Variants in CNTNAP2 observed in about 807,000 individuals in gnomAD.
The protein encoded by CNTNAP2 is contactin associated protein 2.
Under a neutral mutation model 155.2 loss-of-function variants are expected in CNTNAP2, and 98 were observed. That is an observed-to-expected ratio of 0.63 (90% CI 0.54 to 0.75). The LOEUF (loss-of-function observed/expected upper bound fraction) is 0.75. CNTNAP2 is among the 30% of genes least tolerant of loss of function. The probability of loss-of-function intolerance (pLI) is 0.00; values close to 1 mark genes in which losing one functional copy is unlikely to be tolerated. For synonymous variants in CNTNAP2, 651 were observed against 631.2 expected, an observed-to-expected ratio of 1.03 and a Z score of -0.47; for missense variants, 1,727 against 1,688.1, an observed-to-expected ratio of 1.02 and a Z score of -0.40.
In CNTNAP2 at chr7:148,409,867, C is replaced by A. The variant is rs1281003191; in HGVS notation, c.3796+396C>A. 3.3e-5 allele frequency among the ~76,000 whole-genome samples: 3 copies of A among 91,680 alleles called. 1 individual carries two copies. The highest frequency in any genetic ancestry group is 1.5e-4 in the African/African-American group (3 of 20,490). The allele number at this position is 91,680 out of a possible 152,430, so 60.1% of individuals were successfully genotyped here. A position where few individuals can be genotyped will look rare whatever the true frequency, so the allele number is the denominator to read the frequency against. On this transcript the variant is annotated intron_variant, in intron 23 of 23. Coordinates refer to ENST00000361727, the MANE Select transcript of CNTNAP2 (RefSeq NM_014141.6). ...GAGATCGAGACCATCTTGGCTAACA[C>A]GGTGAAACCCCGTCTCTACTAAAAA... is the stretch of plus-strand genomic sequence containing the variant.
At chr7:147,907,911 AG>A (rs1799992367) in intron 14 of CNTNAP2, among the ~76,000 whole-genome samples, 1 of 151,464 alleles carries the variant, frequency 6.6e-6, no homozygotes, top group African/African-American at 2.4e-5. Flanking sequence ...CTGGGATTAC[AG>A]GCACGCATCA....
At chr7:147,377,977 T>G (rs1328653800) in intron 9 of CNTNAP2, 2 of 465,990 alleles carry the variant, frequency 4.3e-6, no homozygotes, top group Non-Finnish European at 8.9e-6. Flanking sequence ...AGATGTTACG[T>G]ATTTTAATTG....
intron 21 of CNTNAP2, among the ~76,000 whole-genome samples, chr7:148,302,813 C>CTTTTTTTTTTTTT: frequency 1.2e-5 from 1 of 86,916 alleles, no homozygotes. Context: ...CTCGATTATT[C>CTTTTTTTTTTTTT]TTTTTTTTTT....
intron 1 of CNTNAP2, among the ~76,000 whole-genome samples, chr7:146,493,399 T>G (rs982514820): frequency 6.6e-6 from 1 of 152,206 alleles, no homozygotes; most frequent in African/African-American, 2.4e-5. Flanking sequence ...TGTTTGTGTC[T>G]TGAATCACTT....
At chr7:146,869,491 A>G (rs188933077) in intron 3 of CNTNAP2, among the ~76,000 whole-genome samples, 4 of 152,098 alleles carry the variant, frequency 2.6e-5, no homozygotes, top group African/African-American at 9.7e-5. Flanking sequence ...GGAGTTTATT[A>G]AGGATAATTG....
At chr7:146,657,402 G>C (rs1443788005) in intron 1 of CNTNAP2, among the ~76,000 whole-genome samples, 2 of 152,156 alleles carry the variant, frequency 1.3e-5, no homozygotes, top group Admixed American at 1.3e-4. Context: ...CTTTATGAGA[G>C]AAAAGGCCTG....
intron 16 of CNTNAP2, among the ~76,000 whole-genome samples, chr7:148,142,631 T>G (rs930236807): frequency 6.6e-6 from 1 of 152,212 alleles, no homozygotes; most frequent in African/African-American, 2.4e-5. Context: ...TATATAACTT[T>G]CCTTCTCTTT....
intron 21 of CNTNAP2, among the ~76,000 whole-genome samples, chr7:148,286,518 T>G (rs58290298): frequency 0.15 from 22,143 of 152,202 alleles, 2,083 homozygotes; most frequent in African/African-American, 0.26. Context: ...TTTGTGGGCC[T>G]AATTACTATT....
chr7:148,081,017 C>A (rs994274589), intron 15 of CNTNAP2, among the ~76,000 whole-genome samples: 4 of 152,120 alleles, frequency 2.6e-5, no homozygotes, highest in African/African-American at 9.7e-5. Flanking sequence ...GATGGTATAT[C>A]TTTATGTGTT....
At chr7:147,995,568 C>A (rs1801789131) in intron 15 of CNTNAP2, among the ~76,000 whole-genome samples, 1 of 151,292 alleles carries the variant, frequency 6.6e-6, no homozygotes, top group African/African-American at 2.4e-5. Flanking sequence ...TGCTCTGTCA[C>A]CCAGGCTGCA....
chr7:146,759,238 G>A (rs976011978), intron 1 of CNTNAP2, among the ~76,000 whole-genome samples: 1 of 152,016 alleles, frequency 6.6e-6, no homozygotes, highest in African/African-American at 2.4e-5. Flanking sequence ...ACCCCCAGAT[G>A]CCCAGAGCAT....
chr7:146,456,886 T>G (rs1374724520), intron 1 of CNTNAP2, among the ~76,000 whole-genome samples: 1 of 152,200 alleles, frequency 6.6e-6, no homozygotes, highest in Non-Finnish European at 1.5e-5. Flanking sequence ...CTAATTAGTA[T>G]AAAGAAATTG....
intron 14 of CNTNAP2, among the ~76,000 whole-genome samples, chr7:147,912,490 C>T (rs1715684528): frequency 6.6e-6 from 1 of 152,178 alleles, no homozygotes; most frequent in African/African-American, 2.4e-5. Context: ...ATGGAGAGGG[C>T]CCCCTACTCA....
chr7:146,189,500 A>G (rs1402701925), intron 1 of CNTNAP2, among the ~76,000 whole-genome samples: 1 of 152,210 alleles, frequency 6.6e-6, no homozygotes, highest in African/African-American at 2.4e-5. Flanking sequence ...GAAAGCTAAA[A>G]GTATTAGTAG....
rs965746755 is a variant in CNTNAP2 at position 146,208,259 on chromosome 7, A to C, written c.97+91286A>C. Among the ~76,000 whole-genome samples the C allele has an allele frequency of 8.5e-5, 13 of 152,196 alleles. No individual in the cohort carries two copies. The South Asian group carries it at 2.7e-3, about 32-fold the overall frequency. ...GCTAGGCATTAAAAGTTATTTCCTG[A>C]ATTATCTATTTCCCAAGGTTTAAAT... On this transcript the variant is annotated intron_variant, in intron 1 of 23. Coordinates refer to ENST00000361727, the MANE Select transcript of CNTNAP2 (RefSeq NM_014141.6).
intron 10 of CNTNAP2, among the ~76,000 whole-genome samples, chr7:147,401,381 A>C (rs1010013006): frequency 1.3e-5 from 2 of 152,216 alleles, no homozygotes; most frequent in African/African-American, 4.8e-5. Context: ...TGGATGAAGT[A>C]CATAATCACA....
chr7:148,137,684 GGAAGGAAGGAA>G (rs1804985597), intron 16 of CNTNAP2, among the ~76,000 whole-genome samples: 15 of 102,148 alleles, frequency 1.5e-4, no homozygotes, highest in African/African-American at 5.9e-4. Context: ...AAGGAAGGAA[GGAAGGAAGGAA>G]GGAAGGAAGG....
At chr7:146,399,735 G>A (rs764174843) in intron 1 of CNTNAP2, among the ~76,000 whole-genome samples, 9 of 152,078 alleles carry the variant, frequency 5.9e-5, no homozygotes, top group Admixed American at 1.3e-4. Context: ...AATTTTTTAT[G>A]ACTCCATATT....
At chr7:147,744,896 A>G (rs964496597) in intron 13 of CNTNAP2, among the ~76,000 whole-genome samples, 1 of 152,152 alleles carries the variant, frequency 6.6e-6, no homozygotes, top group Non-Finnish European at 1.5e-5. Context: ...CAAATTGGGG[A>G]GTAGGGCTTT....
Sources: allele counts gnomAD v4.1 joint callset (sites outside exome capture counted in the v4.1 genomes callset), GRCh38; gene constraint gnomAD v4.1.1; transcripts MANE v1.5; gene names NCBI Gene and HGNC (gene_info 2026-07-23, HGNC 2026-07-21).